The following ERN2 variants were observed in gnomAD, a reference collection of about 807,000 sequenced individuals.
The protein encoded by ERN2 is serine/threonine-protein kinase/endoribonuclease IRE2.
Under a neutral mutation model 107.9 loss-of-function variants are expected in ERN2, and 111 were observed. The ratio of observed to expected loss-of-function variants is 1.03; its 90% CI spans 0.88 to 1.20. ERN2 has a LOEUF of 1.20. Among genes scored for constraint, ERN2 ranks in the 50% most tolerant of loss-of-function variants. ERN2 has a pLI of 0.00. For missense variants in ERN2, 1,225 were observed against 1,197.9 expected (o/e 1.02, Z -0.33); for synonymous variants, 524 against 501.7 (o/e 1.04, Z -0.59).
Position 23,713,095 on chromosome 16 carries a change from C to G in ERN2, c.93G>C (p.Gln31His). Residue 31 changes from glutamine (Q) to histidine (H), a missense_variant and splice_region_variant, in exon 1 of 22, where the codon CAG becomes CAC. Coordinates refer to ENST00000256797, the MANE Select transcript of ERN2 (RefSeq NM_033266.4). The part of the protein sequence containing the change: ...AALLLGTLSP[Q>H]VHTLRPENLL... ...CTTGGCGTCGGTCCCTGGCTCTCAC[C>G]TGTGGACTCAGCGTCCCGAGCAGCA... is the stretch of plus-strand genomic sequence containing the variant. The G allele has an allele frequency of 1.9e-6, 3 of 1,574,570 alleles. No individual in the cohort carries two copies. Among genetic ancestry groups the G allele is most frequent in the Non-Finnish European group, 2.6e-6 (3 of 1,166,422 alleles).
At chr16:23,710,014 A>G in intron 4 of ERN2, 158 bp downstream of exon 4, 1 of 614,514 alleles carries the variant, frequency 1.6e-6, no homozygotes, top group Admixed American at 2.8e-5. Context: ...CCACCCTTTC[A>G]ACAGGTCCCT....
intron 4 of ERN2, among the ~76,000 whole-genome samples, chr16:23,707,552 G>GAA (rs201293492): frequency 1.4e-5 from 2 of 146,054 alleles, no homozygotes; most frequent in African/African-American, 2.5e-5. Context: ...CGTCTCTACA[G>GAA]AAAAAAAAAA....
chr16:23,695,722 C>CAAAAAAAAAAAAAAAA (rs57103138), intron 14 of ERN2, among the ~76,000 whole-genome samples, 172 bp downstream of exon 14: 1 of 37,384 alleles, frequency 2.7e-5, no homozygotes, highest in Admixed American at 2.9e-4. Flanking sequence ...GAGCAAGACT[C>CAAAAAAAAAAAAAAAA]AAAAAAAAAA....
chr16:23,694,632 T>G, intron 17 of ERN2, 96 bp downstream of exon 17: 2 of 1,002,540 alleles, frequency 2.0e-6, no homozygotes, highest in South Asian at 1.7e-5. Flanking sequence ...ACACAGCAAG[T>G]GTCATGGAGT....
intron 1 of ERN2, 55 bp from the exon 2 acceptor site, chr16:23,711,073 G>T (rs1415523240): frequency 1.6e-6 from 2 of 1,232,708 alleles, no homozygotes; most frequent in Non-Finnish European, 2.4e-6. Context: ...ACCACCCTTT[G>T]CTCCTGTCCC....
Position 23,690,860 on chromosome 16 carries a change from T to C in ERN2, c.2752A>G (p.Arg918Gly). 1.9e-6 allele frequency: 3 copies of C among 1,613,192 alleles called. No individual in the cohort carries two copies. Among genetic ancestry groups the C allele is most frequent in the Non-Finnish European group, 2.5e-6 (3 of 1,180,024 alleles). Reference sequence around the variant, plus strand: ...CTCCCTGTGGCCCCAGGGCATGGCCTCCTGGCCTCTGAGTCTGGCGGGTAG... The same window carrying C: ...CTCCCTGTGGCCCCAGGGCATGGCCCCCTGGCCTCTGAGTCTGGCGGGTAG... ...PYYPPDSEAR[R>G]PCPGATGR Residue 918 changes from arginine to glycine, a missense_variant, in exon 22 of 22, where the codon AGG becomes GGG. Coordinates refer to ENST00000256797, the MANE Select transcript of ERN2 (RefSeq NM_033266.4).
chr16:23,705,808 G>A (rs1418332874), intron 7 of ERN2, among the ~76,000 whole-genome samples: 1 of 152,290 alleles, frequency 6.6e-6, no homozygotes, highest in South Asian at 2.1e-4. Flanking sequence ...CAGCTATTCA[G>A]GAGGCTGAGG....
At chr16:23,706,189 G>A (rs963859807) in intron 7 of ERN2, 141 bp downstream of exon 7, 3 of 599,960 alleles carry the variant, frequency 5.0e-6, no homozygotes, top group Admixed American at 6.6e-5. Flanking sequence ...CAGCCATCAG[G>A]GGTGTGCCAT....
At position 23,702,607 on chromosome 16, in the gene ERN2, C is replaced by T. The variant is rs772182091; in HGVS notation, c.933+17G>A. Reference sequence around the variant, plus strand: ...CCGTTCATCCTCTTTCCAGCCCACTCAGAGACCACTTCTTACCACCAGGGC... The same window carrying T: ...CCGTTCATCCTCTTTCCAGCCCACTTAGAGACCACTTCTTACCACCAGGGC... On this transcript the variant is annotated intron_variant, in intron 9 of 21. Transcript: ENST00000256797. 15 of 1,614,072 alleles carry T rather than the reference C, an allele frequency of 9.3e-6. No individual in the cohort carries two copies. Among genetic ancestry groups the T allele is most frequent in the Admixed American group, 5.0e-5 (3 of 60,006 alleles).
In ERN2 at chr16:23,695,306, A is replaced by G; in HGVS notation, c.1694T>C (p.Leu565Pro). 2.5e-6 allele frequency: 4 copies of G among 1,613,864 alleles called. No homozygotes were observed. Among genetic ancestry groups the G allele is most frequent in the Non-Finnish European group, 3.4e-6 (4 of 1,179,954 alleles). The change falls in exon 15 of 22, where the codon CTG becomes CCG. Residue 565 changes from leucine (L) to proline (P), a missense_variant. By Grantham distance (98) the Leu-to-Pro change is moderately conservative. Transcript: ENST00000256797. ...FGLVRREVQLLQESDRHPNVL... is the reference protein window; with the variant it reads ...FGLVRREVQLPQESDRHPNVL... Reference sequence around the variant, plus strand: ...GTTGGGGTGCCTGTCAGACTCCTGCAGCAGTTGAACTTCCCGCCGAACCAG... The same window carrying G: ...GTTGGGGTGCCTGTCAGACTCCTGCGGCAGTTGAACTTCCCGCCGAACCAG...
In ERN2 at chr16:23,700,644, G is replaced by A. The variant is rs775764629; in HGVS notation, c.1420C>T (p.His474Tyr). The change falls in exon 13 of 22, where the codon CAC (histidine) becomes TAC (tyrosine). Residue 474 changes from histidine (H) to tyrosine (Y), a missense_variant. By Grantham distance (83) the His-to-Tyr change is moderately conservative. Transcript: ENST00000256797. Reference protein sequence around the residue: ...ETPLAPADFAHISQDAQSLHS... With the variant: ...ETPLAPADFAYISQDAQSLHS... The stretch of plus-strand genomic sequence containing the variant: ...AGGGACTGGGCATCCTGGGAGATGT[G>A]AGCAAAGTCTGCAGGTGCCAGGGGG... The A allele has an allele frequency of 1.9e-6, 3 of 1,614,016 alleles. No homozygotes were observed. In the African/African-American group the frequency reaches 4.0e-5, roughly 22 times the overall value.
Position 23,710,897 on chromosome 16 carries a change from A to G in ERN2, c.199+16T>C. ...CTATGGGCCCAAGGAGGGAGGAGGGACCACCTCTTGCTCACCATCCCTCAG... is the reference window on the plus strand; with the variant it reads ...CTATGGGCCCAAGGAGGGAGGAGGGGCCACCTCTTGCTCACCATCCCTCAG... On this transcript the variant is annotated intron_variant, in intron 2 of 21. Coordinates refer to ENST00000256797, the MANE Select transcript of ERN2 (RefSeq NM_033266.4). The G allele has an allele frequency of 6.4e-7, 1 of 1,572,280 alleles. No homozygotes were observed. Among genetic ancestry groups the G allele is most frequent in the Non-Finnish European group, 8.8e-7 (1 of 1,141,778 alleles).
At position 23,692,240 on chromosome 16, in the gene ERN2, T is replaced by G. The variant is rs1323575342; in HGVS notation, c.2192A>C (p.Gln731Pro). Residue 731 changes from glutamine to proline, a missense_variant, in exon 18 of 22, where the codon CAG (glutamine) becomes CCG (proline). By Grantham distance (76) the Gln-to-Pro change is moderately conservative. Transcript: ENST00000256797. Reference protein sequence around the residue: ...SHPFGDSLYRQANILTGAPCL... With the variant: ...SHPFGDSLYRPANILTGAPCL... Reference sequence around the variant, plus strand: ...GGGAGCCCCTGTGAGGATGTTTGCCTGGCGATAAAGACTGTCTCCAAAGGG... The same window carrying G: ...GGGAGCCCCTGTGAGGATGTTTGCCGGGCGATAAAGACTGTCTCCAAAGGG... 6.2e-7 allele frequency: 1 copy of G among 1,614,156 alleles called. No individual in the cohort carries two copies.
At chr16:23,702,952 C>T (rs1012946818) in intron 8 of ERN2, among the ~76,000 whole-genome samples, 3 of 151,988 alleles carry the variant, frequency 2.0e-5, no homozygotes, top group African/African-American at 7.3e-5. Flanking sequence ...CCAGGCTAGC[C>T]TGCTGGGGTG....
In ERN2 at chr16:23,702,321, C is replaced by G. The variant is rs548209936; in HGVS notation, c.1082-48G>C. 4 of 1,611,876 alleles carry G rather than the reference C, an allele frequency of 2.5e-6. No individual in the cohort carries two copies. The African/African-American group carries it at 5.3e-5, about 22-fold the overall frequency. ...TCAGGCTGAAGGGGACCTTAGCTTTCCAGCTCAGAAGCTGGGCTCACAGGT... is the reference window on the plus strand; with the variant it reads ...TCAGGCTGAAGGGGACCTTAGCTTTGCAGCTCAGAAGCTGGGCTCACAGGT... On this transcript the variant is annotated intron_variant, in intron 10 of 21. Coordinates refer to ENST00000256797, the MANE Select transcript of ERN2 (RefSeq NM_033266.4).
In ERN2 at chr16:23,700,710, ACAT is replaced by A. The variant is rs1248705806; in HGVS notation, c.1360-9_1360-7del. 4.7e-5 allele frequency: 75 copies of A among 1,610,312 alleles called. No homozygotes were observed. Among genetic ancestry groups the A allele is most frequent in the Non-Finnish European group, 6.2e-5 (73 of 1,178,348 alleles). ...TCCACCACCTGCGGCTGTTGCTGTA[ACAT>A]GAGAGCCTAAGAGAGCTTTGTCCTG... On this transcript the variant is annotated splice_region_variant and splice_polypyrimidine_tract_variant and intron_variant, in intron 12 of 21. Coordinates refer to ENST00000256797, the MANE Select transcript of ERN2 (RefSeq NM_033266.4).
Position 23,705,167 on chromosome 16 carries a change from G to C in ERN2, c.590-20C>G. ...TCATGTCTGCCGAGAAAGGTGGCTG[G>C]GGAGATGTGGTTGGAAGCTCTCCTA... On this transcript the variant is annotated intron_variant, in intron 7 of 21. Coordinates refer to ENST00000256797, the MANE Select transcript of ERN2 (RefSeq NM_033266.4). 2 of 1,608,532 alleles carry C rather than the reference G, an allele frequency of 1.2e-6. No individual in the cohort carries two copies. Among genetic ancestry groups the C allele is most frequent in the Non-Finnish European group, 1.7e-6 (2 of 1,175,540 alleles).
chr16:23,696,052 C>G, intron 13 of ERN2, 74 bp from the exon 14 acceptor site: 1 of 1,141,340 alleles, frequency 8.8e-7, no homozygotes, highest in Non-Finnish European at 1.3e-6. Flanking sequence ...TCCAGACTCA[C>G]CTTGACATTT....
chr16:23,707,165 C>A, intron 4 of ERN2, 86 bp from the exon 5 acceptor site: 1 of 915,278 alleles, frequency 1.1e-6, no homozygotes, highest in Non-Finnish European at 1.8e-6. Context: ...CCATAGCAAC[C>A]AATTAACAGG....
Sources: allele counts gnomAD v4.1 joint callset (sites outside exome capture counted in the v4.1 genomes callset), GRCh38; gene constraint gnomAD v4.1.1; transcripts MANE v1.5; gene names NCBI Gene and HGNC (gene_info 2026-07-23, HGNC 2026-07-21).